The following FRMD4A variants were observed in gnomAD, a reference collection of about 807,000 sequenced individuals.
The protein encoded by FRMD4A is FERM domain-containing protein 4A.
In FRMD4A, 29 loss-of-function variants were observed where a neutral mutation model predicts 129.1. That is an observed-to-expected ratio of 0.22 (90% confidence interval 0.17 to 0.31). The LOEUF is 0.31. FRMD4A is among the 10% of genes least tolerant of loss of function. The pLI is 1.00. For missense variants in FRMD4A, 1,272 were observed against 1,375.8 expected, an observed-to-expected ratio of 0.92 and a Z score of 1.19; for synonymous variants, 634 against 571.6, an observed-to-expected ratio of 1.11 and a Z score of -1.56.
chr10:13,799,897 A>G (rs11258625), intron 4 of FRMD4A, among the ~76,000 whole-genome samples: 13,434 of 152,094 alleles, frequency 0.088, 761 homozygotes, highest in African/African-American at 0.15. Context: ...AATATGACCT[A>G]GGCTGGGTGA....
chr10:14,238,900 A>T (rs144137970), intron 2 of FRMD4A, among the ~76,000 whole-genome samples: 2 of 152,282 alleles, frequency 1.3e-5, no homozygotes, highest in African/African-American at 4.8e-5. Flanking sequence ...TCCATGGTGT[A>T]TATGTGCCAC....
chr10:13,930,192 A>C (rs1471537010), intron 2 of FRMD4A, among the ~76,000 whole-genome samples: 1 of 152,208 alleles, frequency 6.6e-6, no homozygotes, highest in Non-Finnish European at 1.5e-5. Context: ...TCCAGCTTGC[A>C]ATCCCCATAG....
intron 2 of FRMD4A, among the ~76,000 whole-genome samples, chr10:13,864,338 C>CAAAAAAA (rs149602938): frequency 1.7e-5 from 2 of 114,676 alleles, no homozygotes; most frequent in African/African-American, 3.3e-5. Flanking sequence ...CATCTTGAGT[C>CAAAAAAA]AAAAAAAAAA....
chr10:14,090,237 G>C (rs1257584419), intron 2 of FRMD4A, among the ~76,000 whole-genome samples: 1 of 152,232 alleles, frequency 6.6e-6, no homozygotes, highest in Non-Finnish European at 1.5e-5. Context: ...CTGCACGGGA[G>C]AGAATATACG....
At chr10:14,102,786 C>T (rs1208862959) in intron 2 of FRMD4A, among the ~76,000 whole-genome samples, 7 of 147,632 alleles carry the variant, frequency 4.7e-5, no homozygotes, top group Admixed American at 4.1e-4. Flanking sequence ...AAAAAAAGTC[C>T]TGCAGAAATG....
intron 2 of FRMD4A, among the ~76,000 whole-genome samples, chr10:13,879,118 A>G (rs1217112632): frequency 6.6e-6 from 1 of 152,184 alleles, no homozygotes; most frequent in African/African-American, 2.4e-5. Context: ...TGTCAATGAT[A>G]TATTAATAAA....
At chr10:14,138,674 T>C (rs1432826379) in intron 2 of FRMD4A, among the ~76,000 whole-genome samples, 6 of 151,644 alleles carry the variant, frequency 4.0e-5, no homozygotes. Context: ...GCAGGAGAAT[T>C]GCTTGAACCC....
intron 4 of FRMD4A, among the ~76,000 whole-genome samples, chr10:13,804,440 G>A (rs1056063057): frequency 6.6e-6 from 1 of 152,194 alleles, no homozygotes; most frequent in African/African-American, 2.4e-5. Flanking sequence ...GAGGACCTGA[G>A]GACAGCACAG....
chr10:13,912,304 G>A (rs1251202484), intron 2 of FRMD4A, among the ~76,000 whole-genome samples: 1 of 152,096 alleles, frequency 6.6e-6, no homozygotes, highest in Admixed American at 6.5e-5. Context: ...AGCTACTTTG[G>A]AAAACAGCCT....
At chr10:14,245,134 C>T (rs1844186231) in intron 2 of FRMD4A, among the ~76,000 whole-genome samples, 1 of 152,176 alleles carries the variant, frequency 6.6e-6, no homozygotes, top group Admixed American at 6.5e-5. Flanking sequence ...GGACATTGCA[C>T]AACCACACTT....
chr10:14,103,555 GA>G (rs1837422157), intron 2 of FRMD4A, among the ~76,000 whole-genome samples: 1 of 152,154 alleles, frequency 6.6e-6, no homozygotes, highest in Non-Finnish European at 1.5e-5. Flanking sequence ...TCGCAAAAGA[GA>G]AATAAATATC....
chr10:13,690,656 C>CA (rs1350986315), intron 15 of FRMD4A, among the ~76,000 whole-genome samples: 1 of 152,166 alleles, frequency 6.6e-6, no homozygotes, highest in African/African-American at 2.4e-5. Flanking sequence ...CTCACCTTCT[C>CA]ACCAGGGTTT....
chr10:13,689,207 G>GGGGGGGTGGGGGGT (rs2085418204), intron 15 of FRMD4A, among the ~76,000 whole-genome samples: 1 of 9,402 alleles, frequency 1.1e-4, no homozygotes, highest in Non-Finnish European at 2.8e-4. Flanking sequence ...GCGGGGGGGG[G>GGGGGGGTGGGGGGT]GGGGGGGGGG....
At chr10:14,267,817 T>A (rs1198743686) in intron 2 of FRMD4A, among the ~76,000 whole-genome samples, 3 of 152,228 alleles carry the variant, frequency 2.0e-5, no homozygotes, top group Admixed American at 2.0e-4. Context: ...TGCCATATTA[T>A]GACACAAGAC....
intron 2 of FRMD4A, among the ~76,000 whole-genome samples, chr10:13,969,998 T>A (rs999083651): frequency 2.6e-5 from 4 of 152,244 alleles, no homozygotes; most frequent in Non-Finnish European, 5.9e-5. Flanking sequence ...CTTTTGACTC[T>A]AAATCACGGT....
chr10:13,932,940 C>A (rs1385260947), intron 2 of FRMD4A, among the ~76,000 whole-genome samples: 1 of 152,080 alleles, frequency 6.6e-6, no homozygotes, highest in African/African-American at 2.4e-5. Flanking sequence ...GCGGGTGGAT[C>A]ACCTGAGCTG....
intron 2 of FRMD4A, among the ~76,000 whole-genome samples, chr10:13,868,888 TTAAG>T (rs2094406733): frequency 6.6e-6 from 1 of 152,190 alleles, no homozygotes; most frequent in African/African-American, 2.4e-5. Context: ...ATGGAAGTTA[TTAAG>T]TGAGTGGCTC....
At chr10:14,162,631 TTTTTTTTTTG>T (rs1237029713) in intron 2 of FRMD4A, among the ~76,000 whole-genome samples, 4 of 128,122 alleles carry the variant, frequency 3.1e-5, no homozygotes, top group African/African-American at 6.5e-5. Flanking sequence ...AGTTTCTCTG[TTTTTTTTTTG>T]TTTTTTTTTT....
intron 15 of FRMD4A, among the ~76,000 whole-genome samples, chr10:13,691,578 GAAACTTGTTAGAGGTGTA>G (rs1477079300): frequency 6.6e-6 from 1 of 152,176 alleles, no homozygotes; most frequent in Non-Finnish European, 1.5e-5. Context: ...GCCTCACTCG[GAAACTTGTTAGAGGTGTA>G]AATTCTCAGG....
Sources: allele counts gnomAD v4.1 joint callset (sites outside exome capture counted in the v4.1 genomes callset), GRCh38; gene constraint gnomAD v4.1.1; transcripts MANE v1.5; gene names NCBI Gene and HGNC (gene_info 2026-07-23, HGNC 2026-07-21).